The following HOXC4 variants were observed in gnomAD, a reference collection of about 807,000 sequenced individuals.
HOXC4 encodes homeobox C4.
A neutral mutation model predicts 25.5 loss-of-function variants in HOXC4; 15 were observed. The observed-to-expected ratio is 0.59, with a 90% CI of 0.39 to 0.91. The LOEUF is 0.91. HOXC4 is among the 40% of genes least tolerant of loss of function. The probability of loss-of-function intolerance (pLI) is 0.00; values close to 1 mark genes in which losing one functional copy is unlikely to be tolerated. For missense variants in HOXC4, 342 were observed against 352.4 expected (o/e 0.97, Z 0.24); for synonymous variants, 165 against 148.0 (o/e 1.11, Z -0.83).
rs908083356 is a variant in HOXC4 at position 54,028,803 on chromosome 12, T to A, written c.-124+11389T>A. 31 of 1,613,906 alleles carry A rather than the reference T, an allele frequency of 1.9e-5. No homozygotes were observed. Among genetic ancestry groups the A allele is most frequent in the Non-Finnish European group, 2.5e-5 (29 of 1,180,012 alleles). On this transcript the variant is annotated intron_variant, in intron 1 of 3. Coordinates refer to the HOXC4 transcript ENST00000303406. ...ACTGCAGACAAAACACCTTAGGACA[T>A]AACACACAGACCTCAATCGCTCAGG...
At chr12:54,037,482 G>A (rs1187104496) in intron 1 of HOXC4, among the ~76,000 whole-genome samples, 1 of 152,194 alleles carries the variant, frequency 6.6e-6, no homozygotes, top group Admixed American at 6.5e-5. Flanking sequence ...AGTGGGAAGA[G>A]GGGGGACACG....
Position 54,054,853 on chromosome 12 carries a change from AC to A in HOXC4, c.447del (p.Asn150IlefsTer22). Reference protein sequence around the residue: ...WMKKIHVSTVNPNYNGGEPKR... With the variant: ...WMKKIHVSTVXPNYNGGEPKR... ...TTTGCTTTTCCCCTCCCCCCAGTGA[AC>A]CCCAATTATAACGGAGGGGAACCCA... On this transcript the variant is annotated frameshift_variant, in exon 2 of 2. Coordinates refer to ENST00000430889, the MANE Select transcript of HOXC4 (RefSeq NM_153633.3). LOFTEE classifies it high-confidence loss of function. 6.2e-7 allele frequency: 1 copy of A among 1,601,332 alleles called. No homozygotes were observed. Among genetic ancestry groups the A allele is most frequent in the Non-Finnish European group, 8.5e-7 (1 of 1,170,342 alleles).
Position 54,054,184 on chromosome 12 carries a change from C to G in HOXC4, c.262C>G (p.His88Asp), listed in dbSNP as rs781303654. 7.4e-6 allele frequency: 12 copies of G among 1,613,512 alleles called. No individual in the cohort carries two copies. Among genetic ancestry groups the G allele is most frequent in the Non-Finnish European group, 5.1e-6 (6 of 1,179,722 alleles). ...SRGHGPAQAGHHHPEKSQSLC... is the reference protein window; with the variant it reads ...SRGHGPAQAGDHHPEKSQSLC... ...AGGCCACGGGCCGGCCCAGGCGGGC[C>G]ACCACCACCCCGAGAAATCACAGTC... is the stretch of plus-strand genomic sequence containing the variant. The change falls in exon 1 of 2, where the codon CAC becomes GAC. Residue 88 changes from histidine to aspartate, a missense_variant. His to Asp is a moderately conservative substitution (Grantham distance 81, BLOSUM62 -1). Coordinates refer to ENST00000430889, the MANE Select transcript of HOXC4 (RefSeq NM_153633.3).
intron 1 of HOXC4, chr12:54,033,646 A>G: frequency 7.6e-7 from 1 of 1,320,566 alleles, no homozygotes; most frequent in Non-Finnish European, 1.0e-6. Context: ...GGGCAAATAA[A>G]GAAAAAAAAC....
intron 1 of HOXC4, chr12:54,029,675 C>A: frequency 6.2e-7 from 1 of 1,613,522 alleles, no homozygotes. Context: ...CGGAGCGGAC[C>A]GGAGGCGCGG....
chr12:54,044,379 C>T (rs892009306), intron 1 of HOXC4, among the ~76,000 whole-genome samples: 3 of 152,022 alleles, frequency 2.0e-5, no homozygotes, highest in African/African-American at 7.3e-5. Context: ...AATAATGCAA[C>T]GTTTCATTTC....
chr12:54,024,379 TGCAGC>T lies in HOXC4; in HGVS notation c.-124+6968_-124+6972del, dbSNP rs199497844. Among the ~76,000 whole-genome samples the T allele has an allele frequency of 2.9e-3, 443 of 152,202 alleles. 12 individuals are homozygous for T. The East Asian group carries it at 0.068, about 24-fold the overall frequency. ...GCCTCAGGAGGCACCGAGCTGTAGT[TGCAGC>T]GCGGCAGTCAGGAATGGAGTATGTG... On this transcript the variant is annotated intron_variant, in intron 1 of 3. Coordinates refer to the HOXC4 transcript ENST00000303406.
At chr12:54,029,601 T>G in intron 1 of HOXC4, 2 of 1,563,942 alleles carry the variant, frequency 1.3e-6, no homozygotes. Flanking sequence ...CGAAACAGTC[T>G]GCAGAGGACG....
At chr12:54,050,060 T>G (rs991891455), upstream of HOXC4, among the ~76,000 whole-genome samples, 4 of 152,078 alleles carry the variant, frequency 2.6e-5, no homozygotes, top group Non-Finnish European at 5.9e-5. Context: ...AAATCCTGAA[T>G]TGGTTCACCC....
chr12:54,051,671 CT>C (rs774327217), upstream of HOXC4, among the ~76,000 whole-genome samples: 4 of 152,250 alleles, frequency 2.6e-5, no homozygotes, highest in Non-Finnish European at 5.9e-5. Flanking sequence ...GGGCACTGTC[CT>C]CTTGGAGAGA....
chr12:54,049,383 TA>T (rs1302359383), upstream of HOXC4, among the ~76,000 whole-genome samples: 3 of 152,142 alleles, frequency 2.0e-5, no homozygotes, highest in Non-Finnish European at 4.4e-5. Flanking sequence ...GGCCACTTTT[TA>T]AAAAGCCACT....
chr12:54,054,152 A>G lies in HOXC4; in HGVS notation c.230A>G (p.Asn77Ser), dbSNP rs1000995215. 1.9e-6 allele frequency: 3 copies of G among 1,613,864 alleles called. No homozygotes were observed. The highest frequency in any genetic ancestry group is 1.7e-5 in the Admixed American group (1 of 60,008). ...YSCTSLQGPG[N>S]SRGHGPAQAG... Reference sequence around the variant, plus strand: ...TGCACCAGTCTCCAGGGGCCCGGCAATTCGCGAGGCCACGGGCCGGCCCAG... The same window carrying G: ...TGCACCAGTCTCCAGGGGCCCGGCAGTTCGCGAGGCCACGGGCCGGCCCAG... The change falls in exon 1 of 2, where the codon AAT becomes AGT. Residue 77 changes from asparagine to serine, a missense_variant. By Grantham distance (46) the Asn-to-Ser change is conservative. Transcript: ENST00000430889.
At chr12:54,054,500 T>C in intron 1 of HOXC4, 139 bp downstream of exon 1, 1 of 633,366 alleles carries the variant, frequency 1.6e-6, no homozygotes, top group Admixed American at 3.0e-5. Context: ...GTTAGCACAA[T>C]TGAACTGGAT....
At chr12:54,029,410 C>CG (rs1565742000) in intron 1 of HOXC4, among the ~76,000 whole-genome samples, 1 of 87,864 alleles carries the variant, frequency 1.1e-5, no homozygotes, top group East Asian at 5.5e-4. Context: ...CCCGCCCCCC[C>CG]GCCCCCCCCC....
At chr12:54,027,118 G>A (rs993056160) in intron 1 of HOXC4, among the ~76,000 whole-genome samples, 3 of 152,242 alleles carry the variant, frequency 2.0e-5, no homozygotes, top group Non-Finnish European at 4.4e-5. Flanking sequence ...CGCTGTTTCA[G>A]TTCGCCTACT....
chr12:54,036,149 G>A (rs577463327), intron 1 of HOXC4, among the ~76,000 whole-genome samples: 2 of 152,292 alleles, frequency 1.3e-5, no homozygotes, highest in South Asian at 2.1e-4. Context: ...GATAATTCAG[G>A]TAGTGTCTGA....
chr12:54,020,355 G>T (rs1463877822), intron 1 of HOXC4: 1 of 152,212 alleles, frequency 6.6e-6, no homozygotes, highest in Non-Finnish European at 1.5e-5. Context: ...CCTTATAAGG[G>T]GCTTTGTCAG....
rs1209257184 is a variant in HOXC4 at position 54,046,686 on chromosome 12, G to A, written c.-123-6474G>A. ...ATAAGTGGAAAACCAGCAGTTTGGG[G>A]AGGAAAAAGAGAAAGGGAAAGAAGT... On this transcript the variant is annotated intron_variant, in intron 1 of 3. Transcript: ENST00000303406. Among the ~76,000 whole-genome samples the A allele has an allele frequency of 2.0e-5, 3 of 152,296 alleles. No individual in the cohort carries two copies. The East Asian group carries it at 5.8e-4, about 29-fold the overall frequency.
At chr12:54,026,126 G>T (rs12426399) in intron 1 of HOXC4, among the ~76,000 whole-genome samples, 44,592 of 151,994 alleles carry the variant, frequency 0.29, 7,381 homozygotes, top group East Asian at 0.44. Context: ...GAAATTGGAG[G>T]GGGGGACAGA....
Sources: allele counts gnomAD v4.1 joint callset (sites outside exome capture counted in the v4.1 genomes callset), GRCh38; gene constraint gnomAD v4.1.1; transcripts MANE v1.5; gene names NCBI Gene and HGNC (gene_info 2026-07-23, HGNC 2026-07-21).